SLC35F2: variants seen among roughly 807,000 people sequenced by gnomAD.
SLC35F2 encodes solute carrier family 35 member F2.
Under a neutral mutation model 38.1 loss-of-function variants are expected in SLC35F2, and 25 were observed. That is an observed-to-expected ratio of 0.66 (90% confidence interval 0.48 to 0.92). The LOEUF is 0.92. SLC35F2 is among the 40% of genes least tolerant of loss of function. The probability of loss-of-function intolerance (pLI) is 0.00; values close to 1 mark genes in which losing one functional copy is unlikely to be tolerated. For missense variants in SLC35F2, 409 were observed against 452.9 expected (o/e 0.90, Z 0.88); for synonymous variants, 173 against 181.7 (o/e 0.95, Z 0.38).
At chr11:107,836,294 C>T (rs61908977) in intron 1 of SLC35F2, among the ~76,000 whole-genome samples, 4 of 151,774 alleles carry the variant, frequency 2.6e-5, no homozygotes, top group Non-Finnish European at 4.4e-5. Flanking sequence ...CTTACATTTT[C>T]ACCAACATCT....
intron 1 of SLC35F2, among the ~76,000 whole-genome samples, chr11:107,816,447 A>ATTTTTTTTTTT (rs5794572): frequency 8.5e-6 from 1 of 118,314 alleles, no homozygotes. Flanking sequence ...TGCCCAGCTA[A>ATTTTTTTTTTT]TTTTTTTTTT....
At chr11:107,834,046 G>A (rs1475493814) in intron 1 of SLC35F2, among the ~76,000 whole-genome samples, 1 of 152,182 alleles carries the variant, frequency 6.6e-6, no homozygotes, top group Non-Finnish European at 1.5e-5. Context: ...AAAATCCTGG[G>A]AACTTCATAC....
intron 7 of SLC35F2, among the ~76,000 whole-genome samples, chr11:107,795,758 A>G (rs1377944850): frequency 1.3e-5 from 2 of 152,238 alleles, no homozygotes; most frequent in African/African-American, 4.8e-5. Flanking sequence ...AATCAAAGCC[A>G]CAATAAGATA....
At chr11:107,852,104 G>GT (rs1383892272) in intron 1 of SLC35F2, among the ~76,000 whole-genome samples, 2 of 152,114 alleles carry the variant, frequency 1.3e-5, no homozygotes, top group Non-Finnish European at 2.9e-5. Context: ...TCCCAGACCT[G>GT]TTGCTAGACA....
intron 1 of SLC35F2, among the ~76,000 whole-genome samples, chr11:107,816,447 ATTTTTT>A (rs5794572): frequency 8.5e-6 from 1 of 118,314 alleles, no homozygotes; most frequent in Non-Finnish European, 1.7e-5. Context: ...TGCCCAGCTA[ATTTTTT>A]TTTTTTTTTT....
intron 7 of SLC35F2, 151 bp from the exon 8 acceptor site, chr11:107,792,951 C>G: frequency 7.5e-7 from 1 of 1,331,806 alleles, no homozygotes; most frequent in Non-Finnish European, 9.6e-7. Context: ...GGGTCTCGCT[C>G]TGTGGCCCAG....
intron 1 of SLC35F2, among the ~76,000 whole-genome samples, chr11:107,845,487 C>T (rs1293992994): frequency 6.6e-6 from 1 of 151,236 alleles, no homozygotes; most frequent in Admixed American, 6.6e-5. Context: ...TGCCACTGCA[C>T]TCCAGCCTGG....
intron 1 of SLC35F2, among the ~76,000 whole-genome samples, chr11:107,836,759 G>A (rs1859937756): frequency 6.6e-6 from 1 of 152,194 alleles, no homozygotes; most frequent in Non-Finnish European, 1.5e-5. Flanking sequence ...CTGACCTACA[G>A]AACAGTAAGA....
chr11:107,813,269 A>AC (rs1468787873), intron 2 of SLC35F2, among the ~76,000 whole-genome samples: 1 of 151,996 alleles, frequency 6.6e-6, no homozygotes, highest in Non-Finnish European at 1.5e-5. Flanking sequence ...ACATGGAGAA[A>AC]CCCCATCTCT....
At chr11:107,845,665 G>A (rs1860094505) in intron 1 of SLC35F2, among the ~76,000 whole-genome samples, 1 of 151,100 alleles carries the variant, frequency 6.6e-6, no homozygotes, top group Non-Finnish European at 1.5e-5. Context: ...CAATAACATA[G>A]GCTCTGGCTG....
chr11:107,792,921 C>A, intron 7 of SLC35F2, 121 bp from the exon 8 acceptor site: 1 of 1,351,190 alleles, frequency 7.4e-7, no homozygotes, highest in Non-Finnish European at 9.5e-7. Context: ...TTCTTTCTTT[C>A]TTTCTTTCTT....
At chr11:107,850,056 C>A (rs890123279) in intron 1 of SLC35F2, among the ~76,000 whole-genome samples, 1 of 152,206 alleles carries the variant, frequency 6.6e-6, no homozygotes. Flanking sequence ...GAGACTGCCT[C>A]CTCCTTCTTT....
chr11:107,841,782 G>A (rs1162245204), intron 1 of SLC35F2, among the ~76,000 whole-genome samples: 1 of 151,986 alleles, frequency 6.6e-6, no homozygotes, highest in African/African-American at 2.4e-5. Flanking sequence ...AACCAGCCTA[G>A]CCAACATGGC....
At chr11:107,814,036 GCA>G (rs1314978474) in intron 2 of SLC35F2, among the ~76,000 whole-genome samples, 1 of 152,116 alleles carries the variant, frequency 6.6e-6, no homozygotes, top group Non-Finnish European at 1.5e-5. Flanking sequence ...TCCTAAGTGT[GCA>G]CAGTGCTGTC....
In SLC35F2 at chr11:107,816,052, A is replaced by T. The variant is rs796584070; in HGVS notation, c.111-87T>A. On this transcript the variant is annotated intron_variant, in intron 1 of 7. Transcript: ENST00000525815. ...CACACACACACACACACACACACAC[A>T]CTGCTAAACACAAAGGGAAATGCTA... 9 of 1,354,756 alleles carry T rather than the reference A, an allele frequency of 6.6e-6. No homozygotes were observed. In the African/African-American group the frequency reaches 1.1e-4, roughly 16 times the overall value. 83.9% of individuals were successfully genotyped at this position (1,354,756 alleles called of 1,614,324 possible). A position where few individuals can be genotyped will look rare whatever the true frequency, so the allele number is the denominator to read the frequency against.
chr11:107,795,607 C>A (rs1859205315), intron 7 of SLC35F2, among the ~76,000 whole-genome samples: 1 of 152,170 alleles, frequency 6.6e-6, no homozygotes, highest in East Asian at 1.9e-4. Flanking sequence ...ACAAGTAACT[C>A]AAATGACTAA....
chr11:107,850,543 C>T (rs994680442), intron 1 of SLC35F2, among the ~76,000 whole-genome samples: 6 of 152,042 alleles, frequency 3.9e-5, no homozygotes, highest in African/African-American at 4.8e-5. Context: ...AACTCAAGGC[C>T]GGGCACGGTG....
At chr11:107,840,506 C>A (rs535003255) in intron 1 of SLC35F2, among the ~76,000 whole-genome samples, 4 of 152,150 alleles carry the variant, frequency 2.6e-5, no homozygotes, top group Non-Finnish European at 5.9e-5. Flanking sequence ...TCCCTCATTG[C>A]GGATTATCAA....
intron 1 of SLC35F2, chr11:107,858,381 TA>T: frequency 3.9e-6 from 1 of 253,576 alleles, no homozygotes; most frequent in Non-Finnish European, 7.0e-6. Context: ...AGGACCGACC[TA>T]ATAGTGCCAC....
Sources: allele counts gnomAD v4.1 joint callset (sites outside exome capture counted in the v4.1 genomes callset), GRCh38; gene constraint gnomAD v4.1.1; transcripts MANE v1.5; gene names NCBI Gene and HGNC (gene_info 2026-07-23, HGNC 2026-07-21).